EPDR1: variants seen among roughly 807,000 people sequenced by gnomAD.
EPDR1 encodes the protein ependymin related 1, also known as mammalian ependymin-related protein 1.
In EPDR1, 27 loss-of-function variants were observed where a neutral mutation model predicts 23.7. The observed-to-expected ratio is 1.14, with a 90% CI of 0.84 to 1.57. EPDR1 has a LOEUF of 1.57. Ranked by LOEUF, EPDR1 falls within the 40% of genes most tolerant of loss-of-function variation. EPDR1 has a pLI of 0.00. For synonymous variants in EPDR1, 137 were observed against 118.2 expected (o/e 1.16, Z -1.03); for missense variants, 349 against 290.4 (o/e 1.20, Z -1.47).
intron 1 of EPDR1, 93 bp from the exon 2 acceptor site, chr7:37,948,747 A>G: frequency 1.1e-6 from 1 of 933,432 alleles, no homozygotes; most frequent in Admixed American, 2.1e-5. Context: ...TTTCTATTTT[A>G]AAAGTAATAT....
At chr7:37,929,685 T>G (rs1785890568) in intron 1 of EPDR1, among the ~76,000 whole-genome samples, 3 of 152,334 alleles carry the variant, frequency 2.0e-5, no homozygotes, top group African/African-American at 7.2e-5. Flanking sequence ...ATACCTCTTT[T>G]CTGTTAAGAA....
chr7:37,948,238 A>C (rs1046869967), intron 1 of EPDR1, among the ~76,000 whole-genome samples: 2 of 152,144 alleles, frequency 1.3e-5, no homozygotes, highest in African/African-American at 4.8e-5. Context: ...CCAGCTCTTC[A>C]GCCGGAGCCA....
At chr7:37,934,892 C>T (rs1051783449) in intron 1 of EPDR1, among the ~76,000 whole-genome samples, 6 of 151,778 alleles carry the variant, frequency 4.0e-5, no homozygotes, top group East Asian at 1.9e-4. Context: ...TTGCAGTAAG[C>T]AAAAATAATG....
At chr7:37,936,745 T>C (rs1453144517) in intron 1 of EPDR1, among the ~76,000 whole-genome samples, 1 of 152,036 alleles carries the variant, frequency 6.6e-6, no homozygotes, top group Non-Finnish European at 1.5e-5. Flanking sequence ...ATCAACTACT[T>C]AGAAACAAAT....
chr7:37,931,238 G>T (rs1785931048), intron 1 of EPDR1, among the ~76,000 whole-genome samples: 1 of 152,180 alleles, frequency 6.6e-6, no homozygotes, highest in Non-Finnish European at 1.5e-5. Flanking sequence ...CTGAGGCCAG[G>T]TGCGGTGGCT....
intron 1 of EPDR1, among the ~76,000 whole-genome samples, chr7:37,936,025 T>TACACACATATATATATATACAC (rs1413606219): frequency 2.8e-5 from 3 of 105,300 alleles, no homozygotes; most frequent in African/African-American, 1.2e-4. Flanking sequence ...TATATATATA[T>TACACACATATATATATATACAC]ATATATATAT....
chr7:37,947,973 C>G (rs1786311942), intron 1 of EPDR1, among the ~76,000 whole-genome samples: 1 of 152,206 alleles, frequency 6.6e-6, no homozygotes, highest in African/African-American at 2.4e-5. Context: ...TTTGTCTTTG[C>G]TCTCATCTCA....
At chr7:37,921,596 C>A in intron 1 of EPDR1, 1 of 866,894 alleles carries the variant, frequency 1.2e-6, no homozygotes. Flanking sequence ...TATCTCATTT[C>A]TTTCTAGAGA....
At position 37,948,987 on chromosome 7, in the gene EPDR1, C is replaced by G. The variant is rs2044831; in HGVS notation, c.417C>G (p.Ile139Met). The change falls in exon 2 of 3, where the codon ATC (isoleucine) becomes ATG (methionine). Residue 139 changes from isoleucine to methionine, a missense_variant. Physicochemically the swap from Ile to Met is conservative, Grantham distance 10 (BLOSUM62 1). Coordinates refer to ENST00000199448, the MANE Select transcript of EPDR1 (RefSeq NM_017549.5). ...QNSTFEDQYS[I>M]GGPQEQITVQ... ...CCACCTTTGAAGACCAGTACTCCATCGGGGGGCCTCAGGAGCAGATCACCG... is the reference window on the plus strand; with the variant it reads ...CCACCTTTGAAGACCAGTACTCCATGGGGGGGCCTCAGGAGCAGATCACCG... 1.9e-6 allele frequency: 3 copies of G among 1,613,930 alleles called. No individual in the cohort carries two copies. In the East Asian group the frequency reaches 6.7e-5, roughly 36 times the overall value.
intron 1 of EPDR1, among the ~76,000 whole-genome samples, chr7:37,931,113 A>C (rs1167194487): frequency 6.6e-6 from 1 of 152,130 alleles, no homozygotes; most frequent in East Asian, 1.9e-4. Flanking sequence ...TCAATGTCTA[A>C]GCACATCTAC....
Position 37,921,030 on chromosome 7 carries a change from T to G in EPDR1, c.91T>G (p.Cys31Gly). The change falls in exon 1 of 3, where the codon TGC becomes GGC. Residue 31 changes from cysteine to glycine, a missense_variant. Coordinates refer to ENST00000199448, the MANE Select transcript of EPDR1 (RefSeq NM_017549.5). Reference protein sequence around the residue: ...GLWAWTLCGLCSLGAVGAPRP... With the variant: ...GLWAWTLCGLGSLGAVGAPRP... The stretch of plus-strand genomic sequence containing the variant: ...CTGGGCCTGGACCCTGTGCGGCCTG[T>G]GCAGCCTGGGGGCGGTGGGAGCCCC... 1 of 1,528,790 alleles carries G rather than the reference T, an allele frequency of 6.5e-7. No homozygotes were observed. The highest frequency in any genetic ancestry group is 8.8e-7 in the Non-Finnish European group (1 of 1,142,710). 94.7% of individuals were successfully genotyped at this position (1,528,790 alleles called of 1,614,324 possible). A position where few individuals can be genotyped will look rare whatever the true frequency, so the allele number is the denominator to read the frequency against.
chr7:37,929,200 A>G (rs1458424201), intron 1 of EPDR1, among the ~76,000 whole-genome samples: 4 of 152,170 alleles, frequency 2.6e-5, no homozygotes, highest in Non-Finnish European at 5.9e-5. Flanking sequence ...TCACTGCTTT[A>G]TATTAATATA....
At chr7:37,936,194 T>G (rs1011978539) in intron 1 of EPDR1, among the ~76,000 whole-genome samples, 1 of 151,258 alleles carries the variant, frequency 6.6e-6, no homozygotes, top group African/African-American at 2.4e-5. Flanking sequence ...ATTCCAGGAA[T>G]GCAAAGATGG....
intron 1 of EPDR1, among the ~76,000 whole-genome samples, chr7:37,948,388 G>A (rs889392248): frequency 3.4e-5 from 5 of 148,660 alleles, no homozygotes; most frequent in African/African-American, 1.3e-4. Context: ...CACCCAGGCT[G>A]TATGTAGTGC....
chr7:37,930,063 A>G (rs547774179), intron 1 of EPDR1, among the ~76,000 whole-genome samples: 2 of 152,208 alleles, frequency 1.3e-5, no homozygotes, highest in African/African-American at 2.4e-5. Flanking sequence ...GCTCCCCTAA[A>G]GAAGGCAACT....
At chr7:37,938,085 G>A (rs745526742) in intron 1 of EPDR1, among the ~76,000 whole-genome samples, 2 of 145,832 alleles carry the variant, frequency 1.4e-5, no homozygotes, top group African/African-American at 2.6e-5. Context: ...CTGCTTCCCG[G>A]GTTCATGCCA....
chr7:37,934,122 G>A (rs1786000703), intron 1 of EPDR1, among the ~76,000 whole-genome samples: 1 of 152,010 alleles, frequency 6.6e-6, no homozygotes. Context: ...GACTATAGGT[G>A]CCCACCACCA....
chr7:37,942,711 T>C (rs1301042271), intron 1 of EPDR1, among the ~76,000 whole-genome samples: 3 of 152,200 alleles, frequency 2.0e-5, no homozygotes, highest in South Asian at 4.1e-4. Context: ...TAGAGTTTCT[T>C]GGCAATTTTT....
In EPDR1 at chr7:37,948,907, T is replaced by G. The variant is rs1270836873; in HGVS notation, c.337T>G (p.Cys113Gly). ...MFQIDQATKQ[C>G]SKMTLTQPWD... The stretch of plus-strand genomic sequence containing the variant: ...TCAGATTGACCAAGCCACCAAGCAG[T>G]GCTCAAAGATGACCCTGACACAGCC... The change falls in exon 2 of 3, where the codon TGC becomes GGC. Residue 113 changes from cysteine (C) to glycine (G), a missense_variant. By Grantham distance (159) the Cys-to-Gly change is radical. Transcript: ENST00000199448. 1 of 1,614,038 alleles carries G rather than the reference T, an allele frequency of 6.2e-7. No individual in the cohort carries two copies. The highest frequency in any genetic ancestry group is 8.5e-7 in the Non-Finnish European group (1 of 1,180,038).
Sources: gnomAD v4.1 joint callset for allele counts (sites outside exome capture counted in the v4.1 genomes callset) on GRCh38, gnomAD v4.1.1 for gene constraint, MANE v1.5 for transcripts, NCBI Gene and HGNC (gene_info 2026-07-23, HGNC 2026-07-21) for gene names.